CDH13: variants seen among roughly 807,000 people sequenced by gnomAD.
CDH13 encodes cadherin 13.
A neutral mutation model predicts 63.8 loss-of-function variants in CDH13; 24 were observed. That is an observed-to-expected ratio of 0.38 (90% CI 0.27 to 0.53). CDH13 has a LOEUF of 0.53. Among genes scored for constraint, CDH13 ranks in the 20% least tolerant of loss-of-function variants. The pLI is 0.85. For missense variants in CDH13, 1,049 were observed against 903.1 expected, an observed-to-expected ratio of 1.16 and a Z score of -2.07; for synonymous variants, 503 against 355.3, an observed-to-expected ratio of 1.42 and a Z score of -4.67.
At chr16:82,633,676 C>G (rs1469768485) in intron 1 of CDH13, among the ~76,000 whole-genome samples, 1 of 152,182 alleles carries the variant, frequency 6.6e-6, no homozygotes, top group African/African-American at 2.4e-5. Context: ...CTGCGCCTGG[C>G]CAAGTACCCT....
At chr16:82,877,968 C>T (rs1475435398) in intron 2 of CDH13, among the ~76,000 whole-genome samples, 2 of 144,358 alleles carry the variant, frequency 1.4e-5, no homozygotes, top group East Asian at 4.1e-4. Context: ...CACATATACA[C>T]ACACACACAC....
intron 5 of CDH13, among the ~76,000 whole-genome samples, chr16:83,286,853 T>C (rs914298536): frequency 6.6e-5 from 10 of 151,572 alleles, no homozygotes; most frequent in Admixed American, 6.6e-4. Context: ...GATATATACC[T>C]CATATTCTTG....
At chr16:83,573,785 C>A (rs1904860290) in intron 7 of CDH13, among the ~76,000 whole-genome samples, 1 of 152,232 alleles carries the variant, frequency 6.6e-6, no homozygotes, top group African/African-American at 2.4e-5. Context: ...TGCTTAACTA[C>A]TGTAGTTCTC....
At chr16:83,633,775 C>T (rs1404189749) in intron 8 of CDH13, among the ~76,000 whole-genome samples, 1 of 152,088 alleles carries the variant, frequency 6.6e-6, no homozygotes, top group Non-Finnish European at 1.5e-5. Context: ...GGGTTCTGGG[C>T]CTGTACAGTC....
At chr16:82,686,005 A>G (rs1419643983) in intron 1 of CDH13, among the ~76,000 whole-genome samples, 2 of 152,078 alleles carry the variant, frequency 1.3e-5, no homozygotes, top group Admixed American at 6.5e-5. Flanking sequence ...AGAGTACCAT[A>G]TTTCTCTTCT....
intron 1 of CDH13, among the ~76,000 whole-genome samples, chr16:82,733,397 C>T (rs534264579): frequency 2.6e-5 from 4 of 152,018 alleles, no homozygotes; most frequent in Admixed American, 6.5e-5. Flanking sequence ...TGATCTATTG[C>T]GTGTATATGT....
intron 3 of CDH13, among the ~76,000 whole-genome samples, chr16:83,040,744 G>A (rs1188420143): frequency 2.6e-5 from 4 of 152,140 alleles, no homozygotes; most frequent in South Asian, 2.1e-4. Context: ...CAATCCAATC[G>A]AGTTGACAAT....
At chr16:83,773,817 G>T (rs1369291353) in intron 11 of CDH13, among the ~76,000 whole-genome samples, 1 of 152,144 alleles carries the variant, frequency 6.6e-6, no homozygotes, top group Non-Finnish European at 1.5e-5. Flanking sequence ...TGGTGGCTGA[G>T]CCACAGGCTC....
chr16:82,823,553 C>T (rs1396297432), intron 1 of CDH13: 1 of 152,112 alleles, frequency 6.6e-6, no homozygotes, highest in Non-Finnish European at 1.5e-5. Context: ...TAGGAACTAC[C>T]CCTAGTTATT....
At chr16:83,071,709 CTA>C (rs1411324545) in intron 3 of CDH13, among the ~76,000 whole-genome samples, 24 of 152,188 alleles carry the variant, frequency 1.6e-4, no homozygotes, top group East Asian at 5.8e-4. Context: ...TAGGAGAAGA[CTA>C]TGTGGAGAAA....
intron 3 of CDH13, among the ~76,000 whole-genome samples, chr16:83,120,620 AT>A (rs1350167656): frequency 1.3e-5 from 2 of 152,124 alleles, no homozygotes; most frequent in Non-Finnish European, 2.9e-5. Context: ...GGCTCAAGAT[AT>A]TTTTTTAATA....
intron 1 of CDH13, among the ~76,000 whole-genome samples, chr16:82,853,821 T>G (rs1322621430): frequency 6.6e-6 from 1 of 152,196 alleles, no homozygotes; most frequent in African/African-American, 2.4e-5. Context: ...GCCGTGGCAT[T>G]AAAGATAAAT....
chr16:82,929,442 A>C (rs560492177), intron 2 of CDH13, among the ~76,000 whole-genome samples: 71 of 151,840 alleles, frequency 4.7e-4, no homozygotes, highest in Non-Finnish European at 8.7e-4. Flanking sequence ...GGAGATCGAG[A>C]CCATCCTGGC....
intron 10 of CDH13, among the ~76,000 whole-genome samples, chr16:83,712,494 A>G (rs1238113701): frequency 1.3e-5 from 2 of 152,226 alleles, no homozygotes; most frequent in Non-Finnish European, 2.9e-5. Context: ...AGAAGGAAAT[A>G]TCCCAGGGCA....
intron 4 of CDH13, among the ~76,000 whole-genome samples, chr16:83,128,957 G>C (rs1017723636): frequency 2.6e-5 from 4 of 152,208 alleles, no homozygotes; most frequent in Non-Finnish European, 4.4e-5. Context: ...GTTTTTTGTA[G>C]AATTACTGCA....
intron 6 of CDH13, among the ~76,000 whole-genome samples, chr16:83,378,904 T>C (rs12448414): frequency 0.53 from 79,953 of 151,880 alleles, 23,660 homozygotes; most frequent in East Asian, 0.83. Context: ...GCTAAACTTG[T>C]GGTCCACCAG....
At chr16:83,441,540 T>G (rs1036950766) in intron 6 of CDH13, among the ~76,000 whole-genome samples, 1 of 152,250 alleles carries the variant, frequency 6.6e-6, no homozygotes, top group African/African-American at 2.4e-5. Flanking sequence ...TAACAGTTTT[T>G]ATGATAAATG....
intron 8 of CDH13, among the ~76,000 whole-genome samples, chr16:83,654,360 C>T (rs1024973161): frequency 6.6e-6 from 1 of 151,984 alleles, no homozygotes; most frequent in Non-Finnish European, 1.5e-5. Context: ...GGGTATAGGC[C>T]ATAGTTAGGA....
intron 7 of CDH13, among the ~76,000 whole-genome samples, chr16:83,488,209 C>G (rs2073936533): frequency 6.6e-6 from 1 of 152,214 alleles, no homozygotes; most frequent in Non-Finnish European, 1.5e-5. Context: ...CCGGACAGTG[C>G]AGACCTAGAA....
Sources: allele counts gnomAD v4.1 joint callset (sites outside exome capture counted in the v4.1 genomes callset), GRCh38; gene constraint gnomAD v4.1.1; transcripts MANE v1.5; gene names NCBI Gene and HGNC (gene_info 2026-07-23, HGNC 2026-07-21).